The following HS3ST4 variants were observed in gnomAD, a reference collection of about 807,000 sequenced individuals.
HS3ST4 encodes the protein heparan sulfate glucosamine 3-O-sulfotransferase 4.
In HS3ST4, 17 loss-of-function variants were observed where a neutral mutation model predicts 29.2. The observed-to-expected ratio is 0.58, with a 90% confidence interval of 0.40 to 0.87. The LOEUF (loss-of-function observed/expected upper bound fraction) is 0.87, where lower values mean the gene tolerates loss of function less well. Ranked by LOEUF, HS3ST4 falls within the 40% of genes least tolerant of loss-of-function variation. The pLI is 0.00. For synonymous variants in HS3ST4, 314 were observed against 285.7 expected (o/e 1.10, Z -1.00); for missense variants, 627 against 634.5 (o/e 0.99, Z 0.13).
chr16:25,957,781 CTTG>C (rs899481206), intron 1 of HS3ST4, among the ~76,000 whole-genome samples: 6 of 152,294 alleles, frequency 3.9e-5, no homozygotes, highest in African/African-American at 7.2e-5. Context: ...ATAAAGGAGA[CTTG>C]TTGTTTGGCT....
chr16:25,892,977 A>C (rs1359239946), intron 1 of HS3ST4, among the ~76,000 whole-genome samples: 2 of 152,162 alleles, frequency 1.3e-5, no homozygotes, highest in Admixed American at 1.3e-4. Context: ...TAATAAAGAG[A>C]ATAGATTTGG....
intron 1 of HS3ST4, among the ~76,000 whole-genome samples, chr16:25,976,573 G>T (rs1005122517): frequency 1.3e-5 from 2 of 152,270 alleles, no homozygotes; most frequent in East Asian, 3.9e-4. Flanking sequence ...GGCGGTGGGG[G>T]TTTTATTTAG....
At chr16:25,913,704 A>ATG (rs1394173459) in intron 1 of HS3ST4, among the ~76,000 whole-genome samples, 1 of 152,030 alleles carries the variant, frequency 6.6e-6, no homozygotes. Context: ...GGCAGAGAGC[A>ATG]TGTGTGTGTG....
intron 1 of HS3ST4, among the ~76,000 whole-genome samples, chr16:25,752,344 G>GT (rs1567232882): frequency 6.6e-6 from 1 of 152,122 alleles, no homozygotes; most frequent in African/African-American, 2.4e-5. Context: ...GTGGATATGT[G>GT]TACTTGGACA....
At chr16:25,741,291 A>G (rs1253089580) in intron 1 of HS3ST4, among the ~76,000 whole-genome samples, 1 of 148,056 alleles carries the variant, frequency 6.8e-6, no homozygotes, top group African/African-American at 2.5e-5. Flanking sequence ...GCATAAAGAA[A>G]TGCATTTACC....
chr16:25,880,882 T>G (rs1053053931), intron 1 of HS3ST4, among the ~76,000 whole-genome samples: 8 of 152,164 alleles, frequency 5.3e-5, no homozygotes, highest in Admixed American at 1.3e-4. Flanking sequence ...TTTATAGACT[T>G]TGGGGTAGTT....
chr16:25,860,298 C>T (rs1348727766), intron 1 of HS3ST4, among the ~76,000 whole-genome samples: 1 of 152,184 alleles, frequency 6.6e-6, no homozygotes, highest in Non-Finnish European at 1.5e-5. Flanking sequence ...GACAGTTTGG[C>T]AGTTTCTTAT....
At chr16:25,757,326 T>C (rs1210580581) in intron 1 of HS3ST4, among the ~76,000 whole-genome samples, 1 of 152,138 alleles carries the variant, frequency 6.6e-6, no homozygotes, top group Non-Finnish European at 1.5e-5. Context: ...AAAACCTTGG[T>C]TCAAGTTATT....
intron 1 of HS3ST4, among the ~76,000 whole-genome samples, chr16:25,775,338 C>T (rs1202462297): frequency 6.6e-6 from 1 of 152,186 alleles, no homozygotes; most frequent in Non-Finnish European, 1.5e-5. Flanking sequence ...CAGCACGTGA[C>T]TACAGAATGC....
chr16:25,692,766 C>T lies in HS3ST4; in HGVS notation c.349C>T (p.Gln117Ter). Residue 117 changes from glutamine to a stop codon, truncating the protein, a stop_gained, in exon 1 of 2, where the codon CAG becomes TAG. Coordinates refer to ENST00000331351, the MANE Select transcript of HS3ST4 (RefSeq NM_006040.3). LOFTEE classifies it high-confidence loss of function. ...SHGEPPEPPE[Q>*]PAAPGTDGWG... ...CGGGGAGCCGCCCGAGCCCCCAGAG[C>T]AGCCAGCCGCCCCCGGGACCGACGG... 7.4e-7 allele frequency: 1 copy of T among 1,342,512 alleles called. No homozygotes were observed. Among genetic ancestry groups the T allele is most frequent in the South Asian group, 2.0e-5 (1 of 49,660 alleles). The allele number at this position is 1,342,512 out of a possible 1,614,324, so 83.2% of individuals were successfully genotyped here.
At position 25,802,927 on chromosome 16, in the gene HS3ST4, A is replaced by ATG. The variant is rs71158967; in HGVS notation, c.734+109812_734+109813dup. Among the ~76,000 whole-genome samples, 885 of 101,994 alleles carry ATG rather than the reference A, an allele frequency of 8.7e-3. 14 individuals carry two copies. Among genetic ancestry groups the ATG allele is most frequent in the African/African-American group, 0.029 (845 of 28,922 alleles). The allele number at this position is 101,994 out of a possible 152,430, so 66.9% of individuals were successfully genotyped here. On this transcript the variant is annotated intron_variant, in intron 1 of 1. Coordinates refer to ENST00000331351, the MANE Select transcript of HS3ST4 (RefSeq NM_006040.3). ...GAAGGTAGTAGCTTTTAAGTTATAT[A>ATG]TGTGTGTGTGTGTGTGTGTGTGTGT...
At position 25,862,164 on chromosome 16, in the gene HS3ST4, T is replaced by TATTC. The variant is rs1189029311; in HGVS notation, c.734+169016_734+169017insCATT. Reference sequence around the variant, plus strand: ...CCTATGAGAATTTTATTTATTTACATATTTATTTATTTATTTATTTATTTA... The same window carrying TATTC: ...CCTATGAGAATTTTATTTATTTACATATTCATTTATTTATTTATTTATTTATTTA... On this transcript the variant is annotated intron_variant, in intron 1 of 1. Transcript: ENST00000331351. Among the ~76,000 whole-genome samples the TATTC allele has an allele frequency of 6.2e-3, 6 of 962 alleles. No individual in the cohort carries two copies. In the East Asian group the frequency reaches 0.17, roughly 27 times the overall value. The allele number at this position is 962 out of a possible 152,430, so 0.6% of individuals were successfully genotyped here.
At chr16:25,741,519 A>G (rs1966653168) in intron 1 of HS3ST4, among the ~76,000 whole-genome samples, 1 of 152,162 alleles carries the variant, frequency 6.6e-6, no homozygotes, top group Non-Finnish European at 1.5e-5. Flanking sequence ...GCTTTAAAAA[A>G]GAGGGGCTAT....
intron 1 of HS3ST4, chr16:26,025,359 G>T: frequency 6.5e-6 from 1 of 154,356 alleles, no homozygotes; most frequent in Middle Eastern, 5.2e-4. Context: ...ATCTATTACC[G>T]TTTCATTCGT....
chr16:25,854,063 C>T (rs1967548547), intron 1 of HS3ST4, among the ~76,000 whole-genome samples: 1 of 151,940 alleles, frequency 6.6e-6, no homozygotes. Context: ...CTTTATGATT[C>T]AGGCTTTGTA....
Position 26,122,465 on chromosome 16 carries a change from G to A in HS3ST4, c.735-13147G>A, listed in dbSNP as rs1202177105. Among the ~76,000 whole-genome samples, 6 of 152,124 alleles carry A rather than the reference G, an allele frequency of 3.9e-5. 1 individual carries two copies. The highest frequency in any genetic ancestry group is 8.8e-5 in the Non-Finnish European group (6 of 68,032). On this transcript the variant is annotated intron_variant, in intron 1 of 1. Transcript: ENST00000331351. ...CCAATGATCACATTGCAAAAGGTCA[G>A]GGATGACAGAAATAAATAAAAGCAA...
Position 25,935,396 on chromosome 16 carries a change from T to A in HS3ST4, c.735-200216T>A, listed in dbSNP as rs144382521. On this transcript the variant is annotated intron_variant, in intron 1 of 1. Coordinates refer to ENST00000331351, the MANE Select transcript of HS3ST4 (RefSeq NM_006040.3). Reference sequence around the variant, plus strand: ...CATTGTATAGGTTCAGACAAATGTATAATGGCTTGTGTCCATCATTATAGC... The same window carrying A: ...CATTGTATAGGTTCAGACAAATGTAAAATGGCTTGTGTCCATCATTATAGC... Among the ~76,000 whole-genome samples the A allele has an allele frequency of 1.2e-4, 19 of 152,332 alleles. No individual in the cohort carries two copies. In the East Asian group the frequency reaches 3.5e-3, roughly 28 times the overall value.
intron 1 of HS3ST4, among the ~76,000 whole-genome samples, chr16:25,942,364 C>G (rs1968580480): frequency 6.6e-6 from 1 of 152,168 alleles, no homozygotes; most frequent in Admixed American, 6.5e-5. Context: ...CAATGAGTCT[C>G]TAAGGGTTAT....
chr16:26,010,680 G>A (rs571190777), intron 1 of HS3ST4, among the ~76,000 whole-genome samples: 7 of 152,158 alleles, frequency 4.6e-5, no homozygotes, highest in Non-Finnish European at 8.8e-5. Flanking sequence ...TTTGCAAAGA[G>A]ATGTTCTGCG....
Sources: gnomAD v4.1 joint callset for allele counts (sites outside exome capture counted in the v4.1 genomes callset) on GRCh38, gnomAD v4.1.1 for gene constraint, MANE v1.5 for transcripts, NCBI Gene and HGNC (gene_info 2026-07-23, HGNC 2026-07-21) for gene names.